PUDP: variants seen among roughly 807,000 people sequenced by gnomAD.
The protein encoded by PUDP is pseudouridine-5'-phosphatase.
Under a neutral mutation model 9.4 loss-of-function variants are expected in PUDP, and 8 were observed. The observed-to-expected ratio is 0.85, with a 90% CI of 0.50 to 1.53. The LOEUF (loss-of-function observed/expected upper bound fraction) is 1.53. Ranked by LOEUF, PUDP falls within the 40% of genes most tolerant of loss-of-function variation. The probability of loss-of-function intolerance (pLI) is 0.00; values close to 1 mark genes in which losing one functional copy is unlikely to be tolerated. For synonymous variants in PUDP, 99 were observed against 80.7 expected (o/e 1.23, Z -1.22); for missense variants, 188 against 189.7 (o/e 0.99, Z 0.05).
At chrX:6,929,687 C>T (rs909505628) in intron 3 of PUDP, among the ~76,000 whole-genome samples, 2 of 112,269 alleles carry the variant, frequency 1.8e-5, no homozygotes, top group South Asian at 3.7e-4. Context: ...AGGTTAACTT[C>T]GGAATGCCCT....
chrX:6,954,101 G>A (rs899267312), intron 3 of PUDP, among the ~76,000 whole-genome samples: 1 of 110,129 alleles, frequency 9.1e-6, no homozygotes. Context: ...TAAGTTTCCT[G>A]AGGCATCCCC....
At chrX:6,975,675 C>G (rs748985022) in intron 3 of PUDP, among the ~76,000 whole-genome samples, 1 of 111,658 alleles carries the variant, frequency 9.0e-6, no homozygotes, top group Non-Finnish European at 1.9e-5. Context: ...GTCTCCCAGT[C>G]AGGAGGCACG....
chrX:7,121,772 C>T (rs1406997708), intron 1 of PUDP, among the ~76,000 whole-genome samples: 2 of 111,378 alleles, frequency 1.8e-5, no homozygotes, highest in African/African-American at 6.5e-5. Context: ...AGGGTGGGTC[C>T]CTAGCTTGGG....
chrX:6,822,466 G>A (rs1227560322), intron 3 of PUDP, among the ~76,000 whole-genome samples: 1 of 111,932 alleles, frequency 8.9e-6, no homozygotes, highest in African/African-American at 3.2e-5. Flanking sequence ...TCGCTCTATC[G>A]TCCAGGCTGG....
At chrX:7,026,372 A>G (rs1170378783) in intron 1 of PUDP, among the ~76,000 whole-genome samples, 2 of 112,149 alleles carry the variant, frequency 1.8e-5, no homozygotes, top group Non-Finnish European at 3.8e-5. Context: ...ACATGGCAGA[A>G]ACGCCACTAT....
intron 2 of PUDP, among the ~76,000 whole-genome samples, chrX:7,083,761 C>T (rs1015771840): frequency 3.0e-4 from 33 of 109,814 alleles, no homozygotes; most frequent in African/African-American, 1.1e-3. Flanking sequence ...ATTAGCCAGG[C>T]GTGGAGGCAC....
chrX:6,742,013 G>A (rs1349327456), intron 3 of PUDP, among the ~76,000 whole-genome samples: 1 of 110,342 alleles, frequency 9.1e-6, no homozygotes, highest in African/African-American at 3.3e-5. Flanking sequence ...ATGGCACCAC[G>A]CCTGGCTAAT....
At chrX:6,854,147 C>T (rs952323524) in intron 3 of PUDP, among the ~76,000 whole-genome samples, 44 of 111,523 alleles carry the variant, frequency 3.9e-4, no homozygotes, top group Non-Finnish European at 7.5e-4. Context: ...AATATTCCAT[C>T]TCCTTTAGTT....
intron 3 of PUDP, among the ~76,000 whole-genome samples, chrX:6,796,947 G>A (rs1433757298): frequency 1.8e-5 from 2 of 112,046 alleles, no homozygotes; most frequent in African/African-American, 3.2e-5. Flanking sequence ...ATGCCAGATG[G>A]TATAATTTCT....
intron 1 of PUDP, among the ~76,000 whole-genome samples, chrX:7,041,923 T>G (rs1356331382): frequency 1.9e-5 from 2 of 107,662 alleles, no homozygotes; most frequent in African/African-American, 6.8e-5. Context: ...GGTCTCAAAC[T>G]GTTGGGCTCA....
intron 3 of PUDP, among the ~76,000 whole-genome samples, chrX:6,865,916 A>AT (rs1397018597): frequency 1.2e-5 from 1 of 85,556 alleles, no homozygotes; most frequent in Non-Finnish European, 2.3e-5. Flanking sequence ...TTGTTTTTCT[A>AT]TTTTTTAAGT....
At chrX:7,071,044 G>C (rs1218794057) in intron 3 of PUDP, among the ~76,000 whole-genome samples, 2 of 111,889 alleles carry the variant, frequency 1.8e-5, no homozygotes, top group Non-Finnish European at 3.8e-5. Context: ...GATAAGTTAA[G>C]ATGAAACTTT....
Position 6,990,661 on chromosome X carries a change from G to A in PUDP, c.205-12318C>T, listed in dbSNP as rs192117511. ...AGAGGAGTGGTAGCAACTGGATCTC[G>A]CCTCAGAAGGTGGGGACAGGGTAGG... On this transcript the variant is annotated intron_variant and NMD_transcript_variant, in intron 1 of 3. Transcript: ENST00000655425. 7.1e-4 allele frequency among the ~76,000 whole-genome samples: 80 copies of A among 112,046 alleles called. 1 individual carries two copies. Among genetic ancestry groups the A allele is most frequent in the African/African-American group, 2.4e-3 (73 of 30,839 alleles).
intron 1 of PUDP, among the ~76,000 whole-genome samples, chrX:7,018,868 G>T (rs755645014): frequency 8.9e-6 from 1 of 111,995 alleles, no homozygotes; most frequent in African/African-American, 3.2e-5. Context: ...ACAGTTAAGG[G>T]AATAGATTGA....
At chrX:6,951,216 T>TCATC (rs201811790) in intron 3 of PUDP, among the ~76,000 whole-genome samples, 19 of 102,842 alleles carry the variant, frequency 1.8e-4, no homozygotes, top group African/African-American at 5.2e-4. Context: ...TATCTACCCA[T>TCATC]CATCCATCCA....
chrX:6,887,135 G>A (rs893717991), intron 3 of PUDP, among the ~76,000 whole-genome samples: 1 of 76,004 alleles, frequency 1.3e-5, no homozygotes, highest in South Asian at 5.6e-4. Context: ...AAGTATATTT[G>A]ATTTAATTTA....
chrX:6,733,813 T>C (rs779370073), intron 3 of PUDP, among the ~76,000 whole-genome samples: 294 of 85,373 alleles, frequency 3.4e-3, no homozygotes, highest in Non-Finnish European at 5.2e-3. Flanking sequence ...AATCTCGCTC[T>C]GTTGCCCAGG....
At chrX:6,761,407 T>C (rs886399448) in intron 3 of PUDP, among the ~76,000 whole-genome samples, 8 of 112,199 alleles carry the variant, frequency 7.1e-5, no homozygotes, top group Non-Finnish European at 1.3e-4. Flanking sequence ...CACTATTTTC[T>C]GACCCCTTTG....
intron 3 of PUDP, among the ~76,000 whole-genome samples, chrX:6,855,645 A>G (rs1926894239): frequency 8.9e-6 from 1 of 111,804 alleles, no homozygotes; most frequent in Non-Finnish European, 1.9e-5. Context: ...TAGTCGGGGG[A>G]ACAATTGTTT....
Sources: gnomAD v4.1 joint callset for allele counts (sites outside exome capture counted in the v4.1 genomes callset) on GRCh38, gnomAD v4.1.1 for gene constraint, MANE v1.5 for transcripts, NCBI Gene and HGNC (gene_info 2026-07-23, HGNC 2026-07-21) for gene names.